The following NRG1 variants were observed in gnomAD, a reference collection of about 807,000 sequenced individuals.
The protein encoded by NRG1 is pro-neuregulin-1, membrane-bound isoform.
A neutral mutation model predicts 63.8 loss-of-function variants in NRG1; 18 were observed. That is an observed-to-expected ratio of 0.28 (90% confidence interval 0.19 to 0.42). The LOEUF is 0.42. Among genes scored for constraint, NRG1 ranks in the 10% least tolerant of loss-of-function variants. NRG1 has a pLI of 1.00. For missense variants in NRG1, 762 were observed against 814.7 expected, an observed-to-expected ratio of 0.94 and a Z score of 0.79; for synonymous variants, 302 against 301.3, an observed-to-expected ratio of 1.00 and a Z score of -0.02.
chr8:32,157,034 C>G (rs1356479533), intron 1 of NRG1, among the ~76,000 whole-genome samples: 1 of 148,422 alleles, frequency 6.7e-6, no homozygotes, highest in East Asian at 2.0e-4. Context: ...AAAAGAAATA[C>G]TTCAAATTAA....
chr8:31,699,412 C>T (rs1327919884), intron 1 of NRG1, among the ~76,000 whole-genome samples: 1 of 152,100 alleles, frequency 6.6e-6, no homozygotes, highest in Non-Finnish European at 1.5e-5. Context: ...TAAAAAAAAT[C>T]AGAATTCTGA....
chr8:32,490,473 G>T (rs1297464064), intron 1 of NRG1, among the ~76,000 whole-genome samples: 1 of 113,820 alleles, frequency 8.8e-6, no homozygotes, highest in Non-Finnish European at 1.8e-5. Context: ...TGATATGCAG[G>T]ACTGTTCTTG....
rs71541809 is a variant in NRG1 at position 32,264,813 on chromosome 8, GA to G, written c.38-331004del. 4.4e-3 allele frequency among the ~76,000 whole-genome samples: 637 copies of G among 144,362 alleles called. 1 individual carries two copies. Among genetic ancestry groups the G allele is most frequent in the African/African-American group, 0.011 (420 of 39,592 alleles). 94.7% of individuals were successfully genotyped at this position (144,362 alleles called of 152,430 possible). ...TGGTTCCAATACTGTGAGGCCACAGGAAAAAAAAAAAGGATTCTGAAAGATA... is the reference window on the plus strand; with the variant it reads ...TGGTTCCAATACTGTGAGGCCACAGGAAAAAAAAAAGGATTCTGAAAGATA... On this transcript the variant is annotated intron_variant, in intron 1 of 10. Coordinates refer to the NRG1 transcript ENST00000519301.
At chr8:32,321,063 T>C (rs1801324716) in intron 1 of NRG1, among the ~76,000 whole-genome samples, 1 of 152,184 alleles carries the variant, frequency 6.6e-6, no homozygotes, top group African/African-American at 2.4e-5. Context: ...GAATATCCTA[T>C]GTTATTAGAT....
At chr8:32,316,163 G>T (rs1857362476) in intron 1 of NRG1, among the ~76,000 whole-genome samples, 1 of 151,726 alleles carries the variant, frequency 6.6e-6, no homozygotes, top group Non-Finnish European at 1.5e-5. Flanking sequence ...CTCCATGAAG[G>T]AATCTACACT....
intron 1 of NRG1, among the ~76,000 whole-genome samples, chr8:32,423,452 T>C (rs1816943426): frequency 6.6e-6 from 1 of 152,176 alleles, no homozygotes; most frequent in African/African-American, 2.4e-5. Context: ...ACTTCCAGCC[T>C]GGGCAACAAA....
At chr8:31,768,528 CTG>C (rs763909283) in intron 1 of NRG1, among the ~76,000 whole-genome samples, 6 of 152,182 alleles carry the variant, frequency 3.9e-5, no homozygotes, top group Non-Finnish European at 7.3e-5. Context: ...TTGTGGAACA[CTG>C]TTCAAATTAC....
chr8:32,482,104 G>C (rs1356665103), intron 1 of NRG1, among the ~76,000 whole-genome samples: 1 of 152,032 alleles, frequency 6.6e-6, no homozygotes, highest in African/African-American at 2.4e-5. Flanking sequence ...ACAGAACCGT[G>C]AACAGAATTA....
chr8:32,029,079 T>C (rs1233345289), intron 1 of NRG1, among the ~76,000 whole-genome samples: 1 of 152,198 alleles, frequency 6.6e-6, no homozygotes, highest in Non-Finnish European at 1.5e-5. Flanking sequence ...TTTAGGAAAG[T>C]GTCTTCTAAG....
At chr8:32,047,359 C>T (rs540500760) in intron 1 of NRG1, among the ~76,000 whole-genome samples, 2 of 152,000 alleles carry the variant, frequency 1.3e-5, no homozygotes, top group South Asian at 4.2e-4. Flanking sequence ...GATTTCAATA[C>T]CCCTATAAAA....
At chr8:31,952,879 A>G (rs1803700338) in intron 1 of NRG1, among the ~76,000 whole-genome samples, 1 of 152,258 alleles carries the variant, frequency 6.6e-6, no homozygotes. Context: ...GTCATGAGAT[A>G]AACACTAACA....
intron 1 of NRG1, among the ~76,000 whole-genome samples, chr8:32,269,732 GA>G (rs1289215684): frequency 2.2e-4 from 34 of 152,230 alleles, no homozygotes; most frequent in African/African-American, 8.2e-4. Flanking sequence ...CAAGACAATG[GA>G]AAAAGAAAGA....
Position 32,261,682 on chromosome 8 carries a change from C to G in NRG1, c.38-334146C>G, listed in dbSNP as rs111316338. On this transcript the variant is annotated intron_variant, in intron 1 of 10. Transcript: ENST00000519301. ...TGCGCTTTTAACACCTCCACTCCCC[C>G]CTTGTATTGGACGGTAAAGGCCAGA... Among the ~76,000 whole-genome samples, 13 of 152,208 alleles carry G rather than the reference C, an allele frequency of 8.5e-5. No individual in the cohort carries two copies. In the East Asian group the frequency reaches 1.2e-3, roughly 14 times the overall value.
intron 1 of NRG1, among the ~76,000 whole-genome samples, chr8:32,396,599 C>A (rs1812464210): frequency 6.6e-6 from 1 of 152,064 alleles, no homozygotes; most frequent in Admixed American, 6.6e-5. Context: ...CAGGTGCCAG[C>A]CACCACACCC....
At chr8:32,735,862 G>A (rs981680409) in intron 6 of NRG1, among the ~76,000 whole-genome samples, 5 of 152,106 alleles carry the variant, frequency 3.3e-5, no homozygotes, top group African/African-American at 9.7e-5. Context: ...TATATGTCCT[G>A]GACATTGAAA....
At chr8:32,645,679 TA>T (rs527958852) in intron 5 of NRG1, among the ~76,000 whole-genome samples, 112 of 152,268 alleles carry the variant, frequency 7.4e-4, no homozygotes, top group African/African-American at 2.7e-3. Context: ...CTATGTAGTA[TA>T]GATTTAGAGA....
Position 31,841,338 on chromosome 8 carries a change from A to G in NRG1, c.37+201907A>G, listed in dbSNP as rs564298101. On this transcript the variant is annotated intron_variant, in intron 1 of 10. Transcript: ENST00000519301. ...TTTAGAGTGAGATGGATCTTGCAAG[A>G]GCTCAGGCTGGAGACTGAGAAAATG... Among the ~76,000 whole-genome samples, 12 of 152,138 alleles carry G rather than the reference A, an allele frequency of 7.9e-5. No individual in the cohort carries two copies. In the South Asian group the frequency reaches 2.3e-3, roughly 29 times the overall value.
At chr8:32,673,993 CATTTT>C (rs1413969512) in intron 5 of NRG1, among the ~76,000 whole-genome samples, 1 of 152,138 alleles carries the variant, frequency 6.6e-6, no homozygotes, top group Admixed American at 6.5e-5. Context: ...AATCTTGACT[CATTTT>C]AATTTATTTC....
chr8:32,239,515 TTA>T (rs1390169092), intron 1 of NRG1, among the ~76,000 whole-genome samples: 2 of 143,946 alleles, frequency 1.4e-5, no homozygotes. Flanking sequence ...TAAATGAATT[TTA>T]AAATGAATTT....
Sources: gnomAD v4.1 joint callset for allele counts (sites outside exome capture counted in the v4.1 genomes callset) on GRCh38, gnomAD v4.1.1 for gene constraint, MANE v1.5 for transcripts, NCBI Gene and HGNC (gene_info 2026-07-23, HGNC 2026-07-21) for gene names.